PTPN4: variants seen among roughly 807,000 people sequenced by gnomAD.
PTPN4 encodes the protein protein tyrosine phosphatase non-receptor type 4.
A neutral mutation model predicts 135.5 loss-of-function variants in PTPN4; 49 were observed. The ratio of observed to expected loss-of-function variants is 0.36; its 90% CI spans 0.29 to 0.46. The LOEUF (loss-of-function observed/expected upper bound fraction) is 0.46, where lower values mean the gene tolerates loss of function less well. Among genes scored for constraint, PTPN4 ranks in the 20% least tolerant of loss-of-function variants. The pLI is 1.00. For missense variants in PTPN4, 860 were observed against 1,101.0 expected (o/e 0.78, Z 3.10); for synonymous variants, 333 against 369.9 (o/e 0.90, Z 1.14).
chr2:119,915,893 A>T (rs1399053171), intron 11 of PTPN4: 1 of 152,140 alleles, frequency 6.6e-6, no homozygotes, highest in Non-Finnish European at 1.5e-5. Context: ...ATTTGAAACC[A>T]TAAAAATGTC....
chr2:119,860,576 AT>A (rs1281072181), intron 2 of PTPN4, among the ~76,000 whole-genome samples: 2 of 152,196 alleles, frequency 1.3e-5, no homozygotes, highest in African/African-American at 4.8e-5. Flanking sequence ...TGAAAAAAAA[AT>A]GTCCTTAGTG....
In PTPN4 at chr2:119,825,495, C is replaced by CTTT. The variant is rs891070534; in HGVS notation, c.138+15520_138+15522dup. On this transcript the variant is annotated intron_variant, in intron 2 of 26. Transcript: ENST00000263708. ...GTAGAGCCCAGGCTAGAACCCAAGC[C>CTTT]TTTTTTTTTTTTTTTTTTGAGAGGG... Among the ~76,000 whole-genome samples, 108 of 129,268 alleles carry CTTT rather than the reference C, an allele frequency of 8.4e-4. 1 individual carries two copies. The highest frequency in any genetic ancestry group is 3.0e-3 in the African/African-American group (101 of 33,926). The allele number at this position is 129,268 out of a possible 152,430, so 84.8% of individuals were successfully genotyped here. A position where few individuals can be genotyped will look rare whatever the true frequency, so the allele number is the denominator to read the frequency against.
chr2:119,972,785 G>A (rs1444359344), intron 26 of PTPN4, among the ~76,000 whole-genome samples: 1 of 152,060 alleles, frequency 6.6e-6, no homozygotes, highest in African/African-American at 2.4e-5. Flanking sequence ...GTTTTGTTAA[G>A]TGCTTTTCCT....
chr2:119,847,193 T>G (rs779666636), intron 2 of PTPN4, among the ~76,000 whole-genome samples: 5 of 146,076 alleles, frequency 3.4e-5, no homozygotes, highest in East Asian at 1.9e-4. Context: ...AAAAAATATA[T>G]AGAGTATATA....
intron 1 of PTPN4, among the ~76,000 whole-genome samples, chr2:119,780,873 A>G (rs1049985160): frequency 6.6e-6 from 1 of 152,168 alleles, no homozygotes; most frequent in African/African-American, 2.4e-5. Flanking sequence ...AGCATTTGTT[A>G]AGTCTTGCCT....
intron 2 of PTPN4, among the ~76,000 whole-genome samples, chr2:119,857,503 C>T (rs897495179): frequency 6.6e-6 from 1 of 150,722 alleles, no homozygotes; most frequent in Non-Finnish European, 1.5e-5. Context: ...CACTGCACTC[C>T]AGCCTGGGTG....
At chr2:119,848,990 C>G (rs748684404) in intron 2 of PTPN4, among the ~76,000 whole-genome samples, 16 of 152,172 alleles carry the variant, frequency 1.1e-4, no homozygotes, top group Admixed American at 4.6e-4. Flanking sequence ...TTCAGATCTA[C>G]TGGTGAGCCC....
At chr2:119,810,431 A>G (rs921687562) in intron 2 of PTPN4, among the ~76,000 whole-genome samples, 2 of 152,218 alleles carry the variant, frequency 1.3e-5, no homozygotes, top group Admixed American at 1.3e-4. Flanking sequence ...TGTTCATCCT[A>G]TTTGTGTCTA....
At chr2:119,976,754 T>C (rs1679623712) in intron 26 of PTPN4, among the ~76,000 whole-genome samples, 3 of 152,228 alleles carry the variant, frequency 2.0e-5, no homozygotes, top group African/African-American at 7.2e-5. Context: ...GGCTGCAGTA[T>C]TTTAACATCC....
chr2:119,969,582 G>A (rs1481349538), intron 26 of PTPN4, among the ~76,000 whole-genome samples: 5 of 109,314 alleles, frequency 4.6e-5, no homozygotes, highest in East Asian at 3.1e-4. Flanking sequence ...TTTTTGAGAC[G>A]GAGTCTCGCT....
chr2:119,865,033 G>A (rs1677812645), intron 3 of PTPN4, among the ~76,000 whole-genome samples: 1 of 152,124 alleles, frequency 6.6e-6, no homozygotes, highest in African/African-American at 2.4e-5. Context: ...AGTGAAACTA[G>A]GACCTGGATC....
chr2:119,852,735 C>A (rs558543285), intron 2 of PTPN4, among the ~76,000 whole-genome samples: 1 of 151,968 alleles, frequency 6.6e-6, no homozygotes, highest in Non-Finnish European at 1.5e-5. Context: ...TGATTTGAGA[C>A]CTTCCCTTTT....
chr2:119,798,558 A>T (rs1691305458), intron 1 of PTPN4, among the ~76,000 whole-genome samples: 1 of 152,222 alleles, frequency 6.6e-6, no homozygotes, highest in African/African-American at 2.4e-5. Context: ...GATTTAGCAT[A>T]TTTTTTCCCA....
At chr2:119,770,537 TATAAAGA>T (rs988046725) in intron 1 of PTPN4, among the ~76,000 whole-genome samples, 18 of 152,328 alleles carry the variant, frequency 1.2e-4, no homozygotes, top group African/African-American at 4.1e-4. Context: ...TAGAAACACA[TATAAAGA>T]TTACTGTTTT....
At chr2:119,767,417 A>C (rs942334748) in intron 1 of PTPN4, among the ~76,000 whole-genome samples, 2 of 152,230 alleles carry the variant, frequency 1.3e-5, no homozygotes, top group Non-Finnish European at 2.9e-5. Context: ...TGTATTTAGC[A>C]AAACAGGACA....
chr2:119,900,659 T>C, intron 9 of PTPN4, 59 bp from the exon 10 acceptor site: 2 of 1,054,422 alleles, frequency 1.9e-6, no homozygotes, highest in Middle Eastern at 3.1e-4. Context: ...TTTTAAAATA[T>C]ATCTCTAACA....
intron 11 of PTPN4, among the ~76,000 whole-genome samples, chr2:119,918,253 G>C (rs185848208): frequency 5.9e-5 from 9 of 152,214 alleles, no homozygotes; most frequent in Admixed American, 4.6e-4. Context: ...TTAGTCACAG[G>C]AAATATCTTA....
chr2:119,885,930 C>A, intron 9 of PTPN4, 48 bp downstream of exon 9: 1 of 1,262,358 alleles, frequency 7.9e-7, no homozygotes, highest in South Asian at 1.5e-5. Context: ...GGCTCCGTTA[C>A]TCAATATAAC....
chr2:119,915,363 C>T (rs72838991), intron 11 of PTPN4, 121 bp downstream of exon 11: 20,064 of 700,076 alleles, frequency 0.029, 394 homozygotes, highest in Non-Finnish European at 0.032. Flanking sequence ...GATAACTGCC[C>T]GCTGAGGTAA....
Sources: allele counts gnomAD v4.1 joint callset (sites outside exome capture counted in the v4.1 genomes callset), GRCh38; gene constraint gnomAD v4.1.1; transcripts MANE v1.5; gene names NCBI Gene and HGNC (gene_info 2026-07-23, HGNC 2026-07-21).